The following GCN1 variants were observed in gnomAD, a reference collection of about 807,000 sequenced individuals.
GCN1 encodes GCN1 activator of EIF2AK4.
GCN1 carries 90 observed loss-of-function variants against 288.4 expected under a neutral mutation model. The ratio of observed to expected loss-of-function variants is 0.31; its 90% CI spans 0.26 to 0.37. The LOEUF is 0.37. GCN1 is among the 10% of genes least tolerant of loss of function. The probability of loss-of-function intolerance (pLI) is 1.00; values close to 1 mark genes in which losing one functional copy is unlikely to be tolerated. For synonymous variants in GCN1, 1,386 were observed against 1,420.2 expected, an observed-to-expected ratio of 0.98 and a Z score of 0.54; for missense variants, 2,586 against 3,419.9, an observed-to-expected ratio of 0.76 and a Z score of 6.08.
chr12:120,145,090 G>A (rs760127083), intron 39 of GCN1, 29 bp from the exon 40 acceptor site: 51 of 1,613,624 alleles, frequency 3.2e-5, no homozygotes, highest in East Asian at 1.1e-4. Flanking sequence ...CAGAGATGGT[G>A]TGAGAAGATG....
At chr12:120,161,433 C>G in intron 22 of GCN1, 57 bp downstream of exon 22, 1 of 1,147,930 alleles carries the variant, frequency 8.7e-7, no homozygotes, top group Admixed American at 1.7e-5. Context: ...GAAAAGCCAC[C>G]AGCTTGAGGC....
At chr12:120,186,671 C>G (rs974967324) in intron 2 of GCN1, among the ~76,000 whole-genome samples, 1 of 152,168 alleles carries the variant, frequency 6.6e-6, no homozygotes, top group Non-Finnish European at 1.5e-5. Context: ...ATTTCAGTAA[C>G]TGGGGAAAAA....
chr12:120,162,039 C>A lies in GCN1; in HGVS notation c.2183G>T (p.Gly728Val). The A allele has an allele frequency of 4.3e-6, 7 of 1,612,876 alleles. No individual in the cohort carries two copies. The highest frequency in any genetic ancestry group is 5.9e-6 in the Non-Finnish European group (7 of 1,179,992). ...GTCCGGCGACAGGACGGAAAGGGAGCCCATGGCATTCATGGAGGACTGCCA... is the reference window on the plus strand; with the variant it reads ...GTCCGGCGACAGGACGGAAAGGGAGACCATGGCATTCATGGAGGACTGCCA... Reference protein sequence around the residue: ...PLNQSSMNAMGSLSVLSPDRV... With the variant: ...PLNQSSMNAMVSLSVLSPDRV... The change falls in exon 21 of 58, where the codon GGC becomes GTC. Residue 728 changes from glycine (G) to valine (V), a missense_variant. Around this residue, in one of 8 missense-constraint regions of GCN1, gnomAD observed 913 missense variants for 1,107.0 expected, o/e 0.82. Coordinates refer to ENST00000300648, the MANE Select transcript of GCN1 (RefSeq NM_006836.2).
At chr12:120,154,899 C>T (rs901524838) in intron 31 of GCN1, 71 bp downstream of exon 31, 2 of 1,402,160 alleles carry the variant, frequency 1.4e-6, no homozygotes, top group Non-Finnish European at 2.0e-6. Flanking sequence ...TGCCTCCTCA[C>T]AGCACCCACC....
chr12:120,142,865 C>T lies in GCN1; in HGVS notation c.5572G>A (p.Ala1858Thr). The change falls in exon 43 of 58, where the codon GCC becomes ACC. Residue 1858 changes from alanine (A) to threonine (T), a missense_variant. Ala to Thr is a moderately conservative substitution (Grantham distance 58, BLOSUM62 0). Around this residue, in one of 8 missense-constraint regions of GCN1, gnomAD observed 8 missense variants for 30.9 expected, o/e 0.26. Transcript: ENST00000300648. This position sits in a 1 kb window ranked among gnomAD's most constrained non-coding sequence, Gnocchi z 4.9. The stretch of plus-strand genomic sequence containing the variant: ...GTTCCAAAGTTATCATCCTCAGAGG[C>T]AGTTTCTGTGGTCATCTTCCCAGTG... ...GVTGKMTTET[A>T]SEDDNFGTAQ... The T allele has an allele frequency of 6.2e-7, 1 of 1,613,844 alleles. No homozygotes were observed. Among genetic ancestry groups the T allele is most frequent in the Non-Finnish European group, 8.5e-7 (1 of 1,179,710 alleles).
chr12:120,132,083 A>G (rs898831841), intron 53 of GCN1, 61 bp from the exon 54 acceptor site: 1 of 1,108,916 alleles, frequency 9.0e-7, no homozygotes, highest in Non-Finnish European at 1.3e-6. Flanking sequence ...TGTGGGAACC[A>G]AGGCAGGCAG....
rs770680391 is a variant in GCN1, at chr12:120,144,741, G to A, written c.5250C>T (p.Pro1750=). The A allele has an allele frequency of 1.9e-6, 3 of 1,613,854 alleles. No individual in the cohort carries two copies. Among genetic ancestry groups the A allele is most frequent in the Non-Finnish European group, 2.5e-6 (3 of 1,179,684 alleles). The change falls in exon 41 of 58, where the codon CCC becomes CCT. Residue 1750 remains proline (P), a synonymous_variant. Transcript: ENST00000300648. This position sits in a 1 kb window ranked among gnomAD's most constrained non-coding sequence, Gnocchi z 4.7. ...VATASKVDIA[P]HVRDGYIMMF... ...TCATAATGTAGCCATCTCGGACATG[G>A]GGTGCAATGTCCACTTTGCTGGCTG...
chr12:120,141,773 C>T (rs561336950), intron 44 of GCN1, among the ~76,000 whole-genome samples: 10 of 152,348 alleles, frequency 6.6e-5, no homozygotes, highest in African/African-American at 2.4e-4. Flanking sequence ...CTTTCATCTT[C>T]CAGCATCATT....
intron 34 of GCN1, among the ~76,000 whole-genome samples, chr12:120,150,818 T>TC (rs1178648460): frequency 2.7e-5 from 4 of 150,474 alleles, no homozygotes; most frequent in Non-Finnish European, 4.4e-5. Context: ...GCGCCTGTGG[T>TC]CCCAGCTACT....
chr12:120,148,388 A>G, intron 36 of GCN1, 42 bp from the exon 37 acceptor site: 1 of 1,532,090 alleles, frequency 6.5e-7, no homozygotes, highest in South Asian at 1.2e-5. Context: ...ATCACTGAGC[A>G]AAGGCCAGCA....
At chr12:120,128,837 CTTTTTTTTTTTTT>C (rs35329199) in intron 57 of GCN1, among the ~76,000 whole-genome samples, 176 of 98,418 alleles carry the variant, frequency 1.8e-3, no homozygotes, top group Middle Eastern at 0.017. Flanking sequence ...TCACCCAAAT[CTTTTTTTTTTTTT>C]TTTTTTTTTG....
chr12:120,180,248 C>G (rs1878609342), intron 5 of GCN1, among the ~76,000 whole-genome samples: 1 of 151,848 alleles, frequency 6.6e-6, no homozygotes, highest in South Asian at 2.1e-4. Flanking sequence ...CGCTTGAACC[C>G]AGGAGGCAGA....
At position 120,138,006 on chromosome 12, in the gene GCN1, G is replaced by A. The variant is rs1877067882; in HGVS notation, c.6288C>T (p.Phe2096=). Residue 2096 remains phenylalanine (F), a synonymous_variant, in exon 48 of 58, where the codon TTC becomes TTT. Transcript: ENST00000300648. ...GGGCATCACCAGCCACTGACGAAAG[G>A]AAAGCCAGCACCCGGGTGTTGACAG... is the stretch of plus-strand genomic sequence containing the variant. ...TPPVNTRVLA[F]LSSVAGDALT... The A allele has an allele frequency of 6.2e-7, 1 of 1,613,956 alleles. No individual in the cohort carries two copies. The highest frequency in any genetic ancestry group is 8.5e-7 in the Non-Finnish European group (1 of 1,179,994).
chr12:120,167,707 CA>C (rs1878178655), intron 16 of GCN1, among the ~76,000 whole-genome samples: 3 of 151,700 alleles, frequency 2.0e-5, no homozygotes, highest in African/African-American at 7.2e-5. Context: ...AGTTGTAGCT[CA>C]TTAATGGGAT....
At position 120,151,403 on chromosome 12, in the gene GCN1, C is replaced by T. The variant is rs1359057409; in HGVS notation, c.4063-12G>A. On this transcript the variant is annotated splice_polypyrimidine_tract_variant and intron_variant, in intron 33 of 57. Transcript: ENST00000300648. Reference sequence around the variant, plus strand: ...ACGGACTCCTGGACCTGGGGAAGGGCCCACCTGTCAATGCTGTGGCTCCGC... The same window carrying T: ...ACGGACTCCTGGACCTGGGGAAGGGTCCACCTGTCAATGCTGTGGCTCCGC... 5.6e-6 allele frequency: 9 copies of T among 1,612,388 alleles called. No individual in the cohort carries two copies. The highest frequency in any genetic ancestry group is 7.6e-6 in the Non-Finnish European group (9 of 1,179,890).
In GCN1 at chr12:120,127,974, A is replaced by T. The variant is rs780227362; in HGVS notation, c.7891T>A (p.Ser2631Thr). 3.1e-6 allele frequency: 5 copies of T among 1,613,900 alleles called. No homozygotes were observed. Among genetic ancestry groups the T allele is most frequent in the Non-Finnish European group, 4.2e-6 (5 of 1,179,860 alleles). The change falls in exon 58 of 58, where the codon TCC (serine) becomes ACC (threonine). Residue 2631 changes from serine to threonine, a missense_variant and splice_region_variant. Physicochemically the swap from Ser to Thr is moderately conservative, Grantham distance 58. Transcript: ENST00000300648. ...KMRQGEEVFQ[S>T]LSKILDVASL... is the part of the protein sequence containing the mutation. ...GCCACATCCAGGATCTTGGAGAGGGACTGTGGGGAAGGATGAGCAGGAGGA... is the reference window on the plus strand; with the variant it reads ...GCCACATCCAGGATCTTGGAGAGGGTCTGTGGGGAAGGATGAGCAGGAGGA...
chr12:120,134,595 C>T lies in GCN1; in HGVS notation c.7140G>A (p.Lys2380=). ...GCAGCTCTGTGAAGAGGGGGTCCACCTTAATGTGGATGGAAATGAGCTTCC... is the reference window on the plus strand; with the variant it reads ...GCAGCTCTGTGAAGAGGGGGTCCACTTTAATGTGGATGGAAATGAGCTTCC... ...ALGKLISIHI[K]VDPLFTELLN... Residue 2380 remains lysine (K), a synonymous_variant, in exon 52 of 58, where the codon AAG becomes AAA. Coordinates refer to ENST00000300648, the MANE Select transcript of GCN1 (RefSeq NM_006836.2). This position sits in a 1 kb window ranked among gnomAD's most constrained non-coding sequence, Gnocchi z 5.0. 1 of 1,614,114 alleles carries T rather than the reference C, an allele frequency of 6.2e-7. No homozygotes were observed. The highest frequency in any genetic ancestry group is 1.3e-5 in the African/African-American group (1 of 75,056).
intron 22 of GCN1, among the ~76,000 whole-genome samples, chr12:120,160,804 A>T (rs547394723): frequency 5.3e-5 from 8 of 152,252 alleles, no homozygotes; most frequent in Non-Finnish European, 8.8e-5. Flanking sequence ...CGGAGCTCAC[A>T]ATCTAGCAGG....
intron 34 of GCN1, 99 bp from the exon 35 acceptor site, chr12:120,150,142 C>G: frequency 8.4e-7 from 1 of 1,193,534 alleles, no homozygotes; most frequent in South Asian, 1.4e-5. Context: ...CCTCCCACCC[C>G]TCTGGAAACA....
Sources: gnomAD v4.1 joint callset for allele counts (sites outside exome capture counted in the v4.1 genomes callset) on GRCh38, gnomAD v4.1.1 for gene constraint, gnomAD v4.1.1 regional missense constraint, Gnocchi (gnomAD v3.1) non-coding constraint, MANE v1.5 for transcripts, NCBI Gene and HGNC (gene_info 2026-07-23, HGNC 2026-07-21) for gene names.